Variants in WNK1 observed in about 807,000 individuals in gnomAD.
WNK1 encodes the protein WNK lysine deficient protein kinase 1.
Under a neutral mutation model 222.8 loss-of-function variants are expected in WNK1, and 38 were observed. That is an observed-to-expected ratio of 0.17 (90% CI 0.13 to 0.22). The LOEUF is 0.22. Among genes scored for constraint, WNK1 ranks in the 10% least tolerant of loss-of-function variants. The probability of loss-of-function intolerance (pLI) is 1.00; values close to 1 mark genes in which losing one functional copy is unlikely to be tolerated. For synonymous variants in WNK1, 1,090 were observed against 1,092.9 expected (o/e 1.00, Z 0.05); for missense variants, 2,348 against 2,918.4 (o/e 0.80, Z 4.50).
intron 19 of WNK1, among the ~76,000 whole-genome samples, chr12:886,673 G>A (rs1953691997): frequency 1.3e-5 from 2 of 152,184 alleles, no homozygotes; most frequent in Admixed American, 1.3e-4. Context: ...TACGTCTACT[G>A]TATTGTATGC....
At position 908,827 on chromosome 12, in the gene WNK1, G is replaced by T. The variant is rs1035174417; in HGVS notation, c.*35G>T. 2 of 1,135,900 alleles carry T rather than the reference G, an allele frequency of 1.8e-6. No individual in the cohort carries two copies. Among genetic ancestry groups the T allele is most frequent in the Non-Finnish European group, 2.5e-6 (2 of 799,046 alleles). 70.4% of individuals were successfully genotyped at this position (1,135,900 alleles called of 1,614,324 possible). ...CATTAACTGAATAGATCTGGGGGCA[G>T]GAGATGGAATGCTGAGGGGGTGGGT... On this transcript the variant is annotated 3_prime_UTR_variant, in exon 28 of 28. Transcript: ENST00000315939.
chr12:891,436 C>T (rs554826768), intron 22 of WNK1, among the ~76,000 whole-genome samples: 2 of 152,258 alleles, frequency 1.3e-5, no homozygotes, highest in East Asian at 3.9e-4. Context: ...CCGCGCCTGG[C>T]TGAAAGATGG....
intron 4 of WNK1, chr12:851,931 T>C (rs1950449723): frequency 1.4e-6 from 1 of 712,750 alleles, no homozygotes; most frequent in Non-Finnish European, 1.9e-6. Flanking sequence ...TTTAGAGTTC[T>C]GTAATTTAGT....
Position 879,990 on chromosome 12 carries a change from G to A in WNK1, c.2791G>A (p.Ala931Thr), listed in dbSNP as rs1450291072. 1 of 1,614,082 alleles carries A rather than the reference G, an allele frequency of 6.2e-7. No homozygotes were observed. Among genetic ancestry groups the A allele is most frequent in the Non-Finnish European group, 8.5e-7 (1 of 1,180,048 alleles). Residue 931 changes from alanine to threonine, a missense_variant, in exon 11 of 28, where the codon GCT becomes ACT. Physicochemically the swap from Ala to Thr is moderately conservative, Grantham distance 58 (BLOSUM62 0). Transcript: ENST00000315939. Reference protein sequence around the residue: ...SMGIPANLGQAAEVPLSSGDV... With the variant: ...SMGIPANLGQTAEVPLSSGDV... ...GGGAATACCAGCTAACCTTGGACAA[G>A]CTGCTGAGGTTCCACTTTCCTCTGG...
intron 1 of WNK1, among the ~76,000 whole-genome samples, chr12:801,920 G>T (rs1463951099): frequency 2.0e-5 from 3 of 152,066 alleles, no homozygotes; most frequent in Admixed American, 6.5e-5. Flanking sequence ...CCACCAGGAG[G>T]AAAAATCCTT....
At chr12:849,813 T>C (rs1331600832) in intron 4 of WNK1, among the ~76,000 whole-genome samples, 3 of 151,208 alleles carry the variant, frequency 2.0e-5, no homozygotes, top group Non-Finnish European at 4.4e-5. Context: ...TGAGAACATG[T>C]GGTGTTTGGT....
At chr12:857,511 C>G (rs936576127) in intron 5 of WNK1, among the ~76,000 whole-genome samples, 1 of 152,182 alleles carries the variant, frequency 6.6e-6, no homozygotes, top group African/African-American at 2.4e-5. Flanking sequence ...GAACTGCTTA[C>G]TTAAAACATC....
intron 4 of WNK1, among the ~76,000 whole-genome samples, chr12:851,165 T>A (rs1950391438): frequency 6.6e-6 from 1 of 152,194 alleles, no homozygotes. Context: ...CCAGCCCCAG[T>A]ATTGTGATTC....
chr12:838,484 G>A (rs1163716677), intron 4 of WNK1, among the ~76,000 whole-genome samples: 6 of 151,918 alleles, frequency 3.9e-5, no homozygotes, highest in Admixed American at 6.6e-5. Flanking sequence ...GCACAATCTC[G>A]GCTCACTGCA....
chr12:811,317 AATT>A (rs1235592979), intron 1 of WNK1, among the ~76,000 whole-genome samples: 2 of 152,182 alleles, frequency 1.3e-5, no homozygotes, highest in African/African-American at 2.4e-5. Flanking sequence ...TCTTTTCAAT[AATT>A]ATTATATAAT....
At chr12:871,753 C>G (rs1458105646) in intron 9 of WNK1, among the ~76,000 whole-genome samples, 1 of 152,064 alleles carries the variant, frequency 6.6e-6, no homozygotes, top group Non-Finnish European at 1.5e-5. Context: ...CAGGTGCCTG[C>G]CACCACACTC....
intron 21 of WNK1, 27 bp downstream of exon 21, chr12:889,250 C>T (rs551635019): frequency 6.4e-7 from 1 of 1,567,590 alleles, no homozygotes; most frequent in East Asian, 2.2e-5. Flanking sequence ...TTGATAAAAT[C>T]TCCTCATAAC....
chr12:904,373 G>T, intron 26 of WNK1: 6 of 1,154,054 alleles, frequency 5.2e-6, no homozygotes, highest in Non-Finnish European at 6.9e-6. Context: ...CTGGGCGTTT[G>T]TGTGCTGTTT....
chr12:800,937 G>A (rs1055284331), intron 1 of WNK1, among the ~76,000 whole-genome samples: 6 of 152,048 alleles, frequency 3.9e-5, no homozygotes, highest in African/African-American at 1.4e-4. Flanking sequence ...CAGATTCTTC[G>A]TTTTTAAAAA....
intron 1 of WNK1, among the ~76,000 whole-genome samples, chr12:794,816 A>C (rs766809749): frequency 6.6e-6 from 1 of 152,224 alleles, no homozygotes; most frequent in Non-Finnish European, 1.5e-5. Context: ...CAGAGGCACA[A>C]TCATGGCTCA....
chr12:753,673 G>A lies in WNK1; in HGVS notation c.108G>A (p.Gly36=). The change falls in exon 1 of 28, where the codon GGG becomes GGA. Residue 36 remains glycine, a synonymous_variant. Transcript: ENST00000315939. This position sits in a 1 kb window ranked among gnomAD's most constrained non-coding sequence, Gnocchi z 5.2. ...KNGSSSDSSV[G]EKLGAAAADA... Reference sequence around the variant, plus strand: ...GCTCCAGCTCCGATTCCTCCGTGGGGGAGAAACTGGGAGCCGCGGCCGCCG... The same window carrying A: ...GCTCCAGCTCCGATTCCTCCGTGGGAGAGAAACTGGGAGCCGCGGCCGCCG... 2.5e-6 allele frequency: 4 copies of A among 1,612,376 alleles called. No homozygotes were observed. Among genetic ancestry groups the A allele is most frequent in the Non-Finnish European group, 8.5e-7 (1 of 1,179,840 alleles).
At chr12:887,190 A>T (rs760816455) in intron 19 of WNK1, 31 bp from the exon 20 acceptor site, 1 of 1,606,402 alleles carries the variant, frequency 6.2e-7, no homozygotes, top group Admixed American at 1.7e-5. Flanking sequence ...TTAGCGTCTC[A>T]CGGACTTGAT....
At chr12:908,344 A>G in intron 27 of WNK1, 131 bp from the exon 28 acceptor site, 8 of 1,007,040 alleles carry the variant, frequency 7.9e-6, no homozygotes, top group Non-Finnish European at 1.2e-5. Flanking sequence ...TGGTAAATAT[A>G]AAGAGCCAAT....
At chr12:855,240 A>G (rs1415567484) in intron 4 of WNK1, among the ~76,000 whole-genome samples, 5 of 152,246 alleles carry the variant, frequency 3.3e-5, no homozygotes, top group Non-Finnish European at 5.9e-5. Flanking sequence ...AGTTGGAAAA[A>G]TAAGATTGAG....
Sources: gnomAD v4.1 joint callset for allele counts (sites outside exome capture counted in the v4.1 genomes callset) on GRCh38, gnomAD v4.1.1 for gene constraint, Gnocchi (gnomAD v3.1) non-coding constraint, MANE v1.5 for transcripts, NCBI Gene and HGNC (gene_info 2026-07-23, HGNC 2026-07-21) for gene names.